Variants in DYNC2H1 observed in about 807,000 individuals in gnomAD.
The protein encoded by DYNC2H1 is dynein cytoplasmic 2 heavy chain 1.
In DYNC2H1, 410 loss-of-function variants were observed where a neutral mutation model predicts 570.0. The ratio of observed to expected loss-of-function variants is 0.72; its 90% CI spans 0.66 to 0.78. The LOEUF is 0.78. Among genes scored for constraint, DYNC2H1 ranks in the 30% least tolerant of loss-of-function variants. DYNC2H1 has a pLI of 0.00. For synonymous variants in DYNC2H1, 1,688 were observed against 1,677.6 expected, an observed-to-expected ratio of 1.01 and a Z score of -0.15; for missense variants, 4,865 against 5,046.4, an observed-to-expected ratio of 0.96 and a Z score of 1.09.
chr11:103,117,747 G>C lies in DYNC2H1; in HGVS notation c.883G>C (p.Val295Leu), dbSNP rs1858487158. ...TGGTATTTCAATTTGTGAACAGTGG[G>C]TGATAGTCTGTAATCATCTAACAGG... The part of the protein sequence containing the change: ...KAGISICEQW[V>L]IVCNHLTGQV... The change falls in exon 6 of 89, where the codon GTG becomes CTG. Residue 295 changes from valine (V) to leucine (L), a missense_variant. Transcript: ENST00000375735. 6.2e-7 allele frequency: 1 copy of C among 1,613,518 alleles called. No individual in the cohort carries two copies. Among genetic ancestry groups the C allele is most frequent in the Non-Finnish European group, 8.5e-7 (1 of 1,179,604 alleles).
In DYNC2H1 at chr11:103,185,502, A is replaced by G. The variant is rs530331149; in HGVS notation, c.6633+451A>G. The stretch of plus-strand genomic sequence containing the variant: ...TGTATTACAGTCAAGTTGTTTATAA[A>G]GCTGAATTCTAAATAATAAGTGATT... On this transcript the variant is annotated intron_variant, in intron 41 of 88. Coordinates refer to ENST00000375735, the MANE Select transcript of DYNC2H1 (RefSeq NM_001377.3). This position sits in a 1 kb window ranked among gnomAD's most constrained non-coding sequence, Gnocchi z 4.5. Among the ~76,000 whole-genome samples, 8 of 152,080 alleles carry G rather than the reference A, an allele frequency of 5.3e-5. No individual in the cohort carries two copies. In the South Asian group the frequency reaches 1.7e-3, roughly 31 times the overall value.
At chr11:103,234,874 C>T (rs769083146) in intron 61 of DYNC2H1, among the ~76,000 whole-genome samples, 26 of 151,894 alleles carry the variant, frequency 1.7e-4, no homozygotes, top group Non-Finnish European at 1.6e-4. Context: ...CCTTTATTTT[C>T]TGTTTCACTG....
rs1206724917 is a variant in DYNC2H1, at chr11:103,328,190, A to G, written c.12039+4200A>G. 2.6e-5 allele frequency among the ~76,000 whole-genome samples: 4 copies of G among 152,178 alleles called. No individual in the cohort carries two copies. The East Asian group carries it at 7.7e-4, about 29-fold the overall frequency. ...ATGAAACGAAGATAAAATTCTTCCTAAGGTTTTTTGGTTAACACTTATTTT... is the reference window on the plus strand; with the variant it reads ...ATGAAACGAAGATAAAATTCTTCCTGAGGTTTTTTGGTTAACACTTATTTT... On this transcript the variant is annotated intron_variant, in intron 82 of 88. Coordinates refer to ENST00000375735, the MANE Select transcript of DYNC2H1 (RefSeq NM_001377.3).
Position 103,280,273 on chromosome 11 carries a change from C to A in DYNC2H1, c.10696-75C>A. 3 of 1,447,440 alleles carry A rather than the reference C, an allele frequency of 2.1e-6. No homozygotes were observed. The highest frequency in any genetic ancestry group is 2.8e-6 in the Non-Finnish European group (3 of 1,058,444). 89.7% of individuals were successfully genotyped at this position (1,447,440 alleles called of 1,614,324 possible). The stretch of plus-strand genomic sequence containing the variant: ...AAGACAGAATAGAGATTTTTGTGTG[C>A]CAAATTTTAACGACTATGCTTTTCC... On this transcript the variant is annotated intron_variant, in intron 70 of 88. Coordinates refer to ENST00000375735, the MANE Select transcript of DYNC2H1 (RefSeq NM_001377.3). This position sits in a 1 kb window ranked among gnomAD's most constrained non-coding sequence, Gnocchi z 4.7.
chr11:103,172,183 A>G (rs1296174155), intron 34 of DYNC2H1, among the ~76,000 whole-genome samples: 1 of 152,172 alleles, frequency 6.6e-6, no homozygotes, highest in Non-Finnish European at 1.5e-5. Flanking sequence ...AGAAGAAACT[A>G]TTAAGTGAGA....
rs1866949586 is a variant in DYNC2H1 at position 103,299,086 on chromosome 11, T to C, written c.11096-4007T>C. Among the ~76,000 whole-genome samples the C allele has an allele frequency of 6.6e-6, 1 of 152,150 alleles. No individual in the cohort carries two copies. The highest frequency in any genetic ancestry group is 6.6e-5 in the Admixed American group (1 of 15,254). ...GAGGAGTATATTATACTATGTGTATTGAGGTATTGGAAATGTAAAGAGACA... is the reference window on the plus strand; with the variant it reads ...GAGGAGTATATTATACTATGTGTATCGAGGTATTGGAAATGTAAAGAGACA... On this transcript the variant is annotated intron_variant, in intron 75 of 88. Coordinates refer to ENST00000375735, the MANE Select transcript of DYNC2H1 (RefSeq NM_001377.3). This position sits in a 1 kb window ranked among gnomAD's most constrained non-coding sequence, Gnocchi z 4.5.
At chr11:103,222,004 T>C in intron 57 of DYNC2H1, 26 bp from the exon 58 acceptor site, 1 of 1,600,566 alleles carries the variant, frequency 6.2e-7, no homozygotes, top group African/African-American at 1.3e-5. Flanking sequence ...TTTAGCCTCA[T>C]TTAAGGAAAT....
At position 103,127,210 on chromosome 11, in the gene DYNC2H1, T is replaced by C. The variant is rs116255521; in HGVS notation, c.1858-1700T>C. Among the ~76,000 whole-genome samples, 625 of 152,344 alleles carry C rather than the reference T, an allele frequency of 4.1e-3. 6 individuals are homozygous for C. Among genetic ancestry groups the C allele is most frequent in the African/African-American group, 0.014 (584 of 41,582 alleles). On this transcript the variant is annotated intron_variant, in intron 12 of 88. Coordinates refer to ENST00000375735, the MANE Select transcript of DYNC2H1 (RefSeq NM_001377.3). Reference sequence around the variant, plus strand: ...CTACTTAAAAGCAGAGAGGCTTGCTTACTTTAATATGGTAAGTATTTAGTC... The same window carrying C: ...CTACTTAAAAGCAGAGAGGCTTGCTCACTTTAATATGGTAAGTATTTAGTC...
At chr11:103,235,876 TC>T in intron 62 of DYNC2H1, 63 bp downstream of exon 62, 1 of 1,584,608 alleles carries the variant, frequency 6.3e-7, no homozygotes, top group South Asian at 1.2e-5. Flanking sequence ...ATTTAAAATT[TC>T]AATATACTAA....
rs1305520521 is a variant in DYNC2H1 at position 103,199,737 on chromosome 11, G to A, written c.8088+261G>A. ...TAGGAAGCAGATACTCCAGGTCATG[G>A]GATGTTAGACAGACATGAATGGTAA... On this transcript the variant is annotated intron_variant, in intron 49 of 88. Coordinates refer to ENST00000375735, the MANE Select transcript of DYNC2H1 (RefSeq NM_001377.3). This position sits in a 1 kb window ranked among gnomAD's most constrained non-coding sequence, Gnocchi z 4.6. Among the ~76,000 whole-genome samples the A allele has an allele frequency of 8.6e-5, 13 of 152,006 alleles. 1 individual carries two copies. The highest frequency in any genetic ancestry group is 7.9e-4 in the Admixed American group (12 of 15,240).
chr11:103,391,716 G>T lies in DYNC2H1; in HGVS notation c.12157-7947G>T, dbSNP rs374351257. Among the ~76,000 whole-genome samples the T allele has an allele frequency of 1.8e-4, 27 of 152,366 alleles. No homozygotes were observed. In the South Asian group the frequency reaches 5.6e-3, roughly 32 times the overall value. On this transcript the variant is annotated intron_variant, in intron 83 of 88. Coordinates refer to ENST00000375735, the MANE Select transcript of DYNC2H1 (RefSeq NM_001377.3). ...CTGTTTGTTAGTTTTCCTTCTAACAGTAAAGACCCTCAGCTGCAGGTCTGT... is the reference window on the plus strand; with the variant it reads ...CTGTTTGTTAGTTTTCCTTCTAACATTAAAGACCCTCAGCTGCAGGTCTGT...
chr11:103,303,248 C>T lies in DYNC2H1; in HGVS notation c.11251C>T (p.His3751Tyr), dbSNP rs1169899793. 1.9e-6 allele frequency: 3 copies of T among 1,611,652 alleles called. No homozygotes were observed. The highest frequency in any genetic ancestry group is 2.2e-5 in the South Asian group (2 of 90,838). Residue 3751 changes from histidine to tyrosine, a missense_variant, in exon 76 of 89, where the codon CAC becomes TAC. Transcript: ENST00000375735. ...ANAERSGECY[H>Y]QVAMGQGQAD... Reference sequence around the variant, plus strand: ...TGCTGAAAGAAGCGGAGAGTGTTATCACCAGGTAAGTACATATTGTCCCGC... The same window carrying T: ...TGCTGAAAGAAGCGGAGAGTGTTATTACCAGGTAAGTACATATTGTCCCGC...
At chr11:103,379,680 T>G (rs932654143) in intron 83 of DYNC2H1, among the ~76,000 whole-genome samples, 7 of 152,190 alleles carry the variant, frequency 4.6e-5, no homozygotes, top group Admixed American at 6.5e-5. Flanking sequence ...CGTCTAAGCT[T>G]CTTCTATAGC....
At chr11:103,182,351 A>G (rs1370576223) in intron 40 of DYNC2H1, among the ~76,000 whole-genome samples, 2 of 151,384 alleles carry the variant, frequency 1.3e-5, no homozygotes, top group African/African-American at 2.4e-5. Context: ...TAAGGTTAAA[A>G]ACAATATGAA....
rs1199454490 is a variant in DYNC2H1 at position 103,223,076 on chromosome 11, G to C, written c.9343G>C (p.Gly3115Arg). Residue 3115 changes from glycine (G) to arginine (R), a missense_variant, in exon 59 of 89, where the codon GGA becomes CGA. Physicochemically the swap from Gly to Arg is moderately radical, Grantham distance 125. Coordinates refer to ENST00000375735, the MANE Select transcript of DYNC2H1 (RefSeq NM_001377.3). ...RIHPLETEQA[G>R]LESNLKKTED... ...TCATCCTTTGGAAACTGAACAGGCA[G>C]GATTAGAATCGTAAGTGAAATATAA... is the stretch of plus-strand genomic sequence containing the variant. 6.2e-7 allele frequency: 1 copy of C among 1,610,634 alleles called. No homozygotes were observed. Among genetic ancestry groups the C allele is most frequent in the South Asian group, 1.1e-5 (1 of 90,532 alleles).
chr11:103,227,343 C>T (rs1863840580), intron 59 of DYNC2H1, among the ~76,000 whole-genome samples: 1 of 151,998 alleles, frequency 6.6e-6, no homozygotes, highest in Non-Finnish European at 1.5e-5. Flanking sequence ...CTCTTGGCAC[C>T]ATCTTTGCTG....
At chr11:103,347,762 C>T (rs1939818382) in intron 82 of DYNC2H1, among the ~76,000 whole-genome samples, 1 of 152,136 alleles carries the variant, frequency 6.6e-6, no homozygotes, top group African/African-American at 2.4e-5. Flanking sequence ...TAGCACTTTT[C>T]TCCAAAAAAG....
At chr11:103,415,068 G>T (rs964980451) in intron 84 of DYNC2H1, among the ~76,000 whole-genome samples, 2 of 152,180 alleles carry the variant, frequency 1.3e-5, no homozygotes, top group African/African-American at 4.8e-5. Context: ...AATGGGGAAA[G>T]GATTCCCTAT....
intron 85 of DYNC2H1, among the ~76,000 whole-genome samples, chr11:103,453,932 C>T (rs1261061603): frequency 4.0e-5 from 6 of 151,752 alleles, no homozygotes; most frequent in Admixed American, 2.0e-4. Context: ...CTTTATGAAG[C>T]GCTATCATTG....
Sources: gnomAD v4.1 joint callset for allele counts (sites outside exome capture counted in the v4.1 genomes callset) on GRCh38, gnomAD v4.1.1 for gene constraint, Gnocchi (gnomAD v3.1) non-coding constraint, MANE v1.5 for transcripts, NCBI Gene and HGNC (gene_info 2026-07-23, HGNC 2026-07-21) for gene names.